The following DYNC2H1 variants were observed in gnomAD, a reference collection of about 807,000 sequenced individuals.
DYNC2H1 encodes cytoplasmic dynein 2 heavy chain 1.
In DYNC2H1, 410 loss-of-function variants were observed where a neutral mutation model predicts 570.0. The observed-to-expected ratio is 0.72, with a 90% CI of 0.66 to 0.78. The LOEUF is 0.78. DYNC2H1 is among the 30% of genes least tolerant of loss of function. The pLI is 0.00. For synonymous variants in DYNC2H1, 1,688 were observed against 1,677.6 expected (o/e 1.01, Z -0.15); for missense variants, 4,865 against 5,046.4 (o/e 0.96, Z 1.09).
Position 103,151,106 on chromosome 11 carries a change from T to G in DYNC2H1, c.2947-1030T>G, listed in dbSNP as rs953039411. On this transcript the variant is annotated intron_variant, in intron 20 of 88. Transcript: ENST00000375735. This position sits in a 1 kb window ranked among gnomAD's most constrained non-coding sequence, Gnocchi z 4.6. ...GACTAGGAAACTATTGTGATATGTTTTACAGGCTAACTGGAGTTCCGTTCA... is the reference window on the plus strand; with the variant it reads ...GACTAGGAAACTATTGTGATATGTTGTACAGGCTAACTGGAGTTCCGTTCA... 6.6e-6 allele frequency among the ~76,000 whole-genome samples: 1 copy of G among 152,092 alleles called. No individual in the cohort carries two copies. The highest frequency in any genetic ancestry group is 2.4e-5 in the African/African-American group (1 of 41,408).
intron 83 of DYNC2H1, among the ~76,000 whole-genome samples, chr11:103,360,355 A>G (rs1218876366): frequency 1.3e-5 from 2 of 152,076 alleles, no homozygotes; most frequent in Admixed American, 1.3e-4. Context: ...TTCTAATTGT[A>G]TAGCTTAGGA....
At chr11:103,371,285 C>T (rs1014274937) in intron 83 of DYNC2H1, among the ~76,000 whole-genome samples, 4 of 151,982 alleles carry the variant, frequency 2.6e-5, no homozygotes, top group African/African-American at 9.7e-5. Context: ...GAATTAAAAA[C>T]AAGCACACCT....
At chr11:103,154,366 G>C in intron 22 of DYNC2H1, 85 bp from the exon 23 acceptor site, 4 of 1,190,184 alleles carry the variant, frequency 3.4e-6, no homozygotes, top group Non-Finnish European at 4.6e-6. Flanking sequence ...CACATACAAG[G>C]ATTGCAGTTA....
rs535890368 is a variant in DYNC2H1 at position 103,289,802 on chromosome 11, C to T, written c.11095+2197C>T. 6.6e-6 allele frequency among the ~76,000 whole-genome samples: 1 copy of T among 152,114 alleles called. No homozygotes were observed. Among genetic ancestry groups the T allele is most frequent in the African/African-American group, 2.4e-5 (1 of 41,522 alleles). On this transcript the variant is annotated intron_variant, in intron 75 of 88. Transcript: ENST00000375735. This position sits in a 1 kb window ranked among gnomAD's most constrained non-coding sequence, Gnocchi z 4.2. ...ATGATTCTCTTTGTTGGATATAACC[C>T]ATATATAATGTTGAATTAAATTTGA... is the stretch of plus-strand genomic sequence containing the variant.
chr11:103,150,739 G>A (rs1197868736), intron 20 of DYNC2H1, among the ~76,000 whole-genome samples: 1 of 152,162 alleles, frequency 6.6e-6, no homozygotes, highest in African/African-American at 2.4e-5. Flanking sequence ...GCAAAATTTA[G>A]ACTTCAAGCA....
chr11:103,129,014 G>T lies in DYNC2H1; in HGVS notation c.1953+9G>T, dbSNP rs1859134953. The T allele has an allele frequency of 6.3e-7, 1 of 1,585,980 alleles. No individual in the cohort carries two copies. The highest frequency in any genetic ancestry group is 2.3e-5 in the East Asian group (1 of 44,184). ...TTGAACAGATAATTAAGGTAAATGG[G>T]CTTTTAATTTTATTATAATTAGATT... On this transcript the variant is annotated intron_variant, in intron 13 of 88. Coordinates refer to ENST00000375735, the MANE Select transcript of DYNC2H1 (RefSeq NM_001377.3). The surrounding 1 kb of genome is among the most constrained non-coding windows in gnomAD (Gnocchi z 4.1).
intron 81 of DYNC2H1, 94 bp downstream of exon 81, chr11:103,321,331 C>A: frequency 8.7e-7 from 1 of 1,154,774 alleles, no homozygotes; most frequent in Non-Finnish European, 1.3e-6. Context: ...TTCAAATGCA[C>A]AAGTAATTAT....
intron 87 of DYNC2H1, among the ~76,000 whole-genome samples, chr11:103,462,934 A>T (rs894477420): frequency 6.6e-6 from 1 of 152,240 alleles, no homozygotes; most frequent in African/African-American, 2.4e-5. Flanking sequence ...TACAAATTTC[A>T]GAGTACAGCT....
Position 103,440,990 on chromosome 11 carries a change from G to A in DYNC2H1, c.12456+4958G>A, listed in dbSNP as rs115951841. On this transcript the variant is annotated intron_variant, in intron 85 of 88. Coordinates refer to ENST00000375735, the MANE Select transcript of DYNC2H1 (RefSeq NM_001377.3). Reference sequence around the variant, plus strand: ...CAACCACACAATCTCAAATGTTCTGGTGTTAAAGCACAGCTCAGATTACAT... The same window carrying A: ...CAACCACACAATCTCAAATGTTCTGATGTTAAAGCACAGCTCAGATTACAT... 6.7e-3 allele frequency among the ~76,000 whole-genome samples: 1,012 copies of A among 152,180 alleles called. 8 individuals carry two copies. Among genetic ancestry groups the A allele is most frequent in the African/African-American group, 0.023 (961 of 41,518 alleles).
At position 103,397,410 on chromosome 11, in the gene DYNC2H1, T is replaced by C. The variant is rs191715377; in HGVS notation, c.12157-2253T>C. Among the ~76,000 whole-genome samples the C allele has an allele frequency of 5.3e-5, 8 of 152,366 alleles. No homozygotes were observed. In the East Asian group the frequency reaches 1.5e-3, roughly 29 times the overall value. ...CATAGTCGTTGTAACATACTCATTTTGTGATTGTTAGCTATATTTGAATTA... is the reference window on the plus strand; with the variant it reads ...CATAGTCGTTGTAACATACTCATTTCGTGATTGTTAGCTATATTTGAATTA... On this transcript the variant is annotated intron_variant, in intron 83 of 88. Transcript: ENST00000375735.
intron 70 of DYNC2H1, among the ~76,000 whole-genome samples, chr11:103,262,466 T>C (rs1205463850): frequency 1.3e-5 from 2 of 151,876 alleles, no homozygotes; most frequent in African/African-American, 4.8e-5. Flanking sequence ...GTCGGGTTAC[T>C]CACAAAGGGA....
rs1323427989 is a variant in DYNC2H1, at chr11:103,197,988, A to G, written c.7764A>G (p.Pro2588=). ...ARHNSGARAA[P]GQPLPPHGKP... ...ATAATTCAGGAGCAAGGGCAGCCCC[A>G]GGACAACCATTACCTCCACATGGAA... Residue 2588 remains proline, a synonymous_variant, in exon 48 of 89, where the codon CCA becomes CCG. Transcript: ENST00000375735. The G allele has an allele frequency of 2.6e-6, 4 of 1,565,758 alleles. No homozygotes were observed. In the African/African-American group the frequency reaches 5.4e-5, roughly 21 times the overall value.
rs537596246 is a variant in DYNC2H1, at chr11:103,141,914, G to A, written c.2575-1354G>A. Among the ~76,000 whole-genome samples the A allele has an allele frequency of 2.3e-4, 35 of 152,266 alleles. No homozygotes were observed. In the East Asian group the frequency reaches 5.0e-3, roughly 22 times the overall value. ...TACCTAAGCAAGCCTGGGCAATGGC[G>A]GGTGCCCCTCCCACAGCCTCGCTGC... On this transcript the variant is annotated intron_variant, in intron 17 of 88. Transcript: ENST00000375735.
intron 15 of DYNC2H1, among the ~76,000 whole-genome samples, chr11:103,135,281 A>C (rs923734679): frequency 7.9e-5 from 12 of 152,144 alleles, no homozygotes; most frequent in African/African-American, 2.9e-4. Flanking sequence ...GATCTTTTAA[A>C]ATAGTATTTA....
intron 17 of DYNC2H1, 22 bp from the exon 18 acceptor site, chr11:103,143,246 C>T (rs947366213): frequency 1.9e-6 from 3 of 1,607,530 alleles, no homozygotes; most frequent in Admixed American, 1.7e-5. Context: ...TTTAATAATA[C>T]ATTTTTTCTT....
intron 39 of DYNC2H1, among the ~76,000 whole-genome samples, chr11:103,180,065 T>A (rs1044717345): frequency 6.6e-6 from 1 of 151,642 alleles, no homozygotes; most frequent in African/African-American, 2.4e-5. Flanking sequence ...GTAGGAAACA[T>A]TTACTTTAAA....
chr11:103,472,355 T>C lies in DYNC2H1; in HGVS notation c.12765+3650T>C, dbSNP rs145533566. ...GCTTGGGCAACATAGCAAGACCCCA[T>C]CTTTATTAAATAAAAAAAGAATTAA... On this transcript the variant is annotated intron_variant, in intron 88 of 88. Coordinates refer to ENST00000375735, the MANE Select transcript of DYNC2H1 (RefSeq NM_001377.3). The surrounding 1 kb of genome is among the most constrained non-coding windows in gnomAD (Gnocchi z 4.1). Among the ~76,000 whole-genome samples, 2,260 of 142,690 alleles carry C rather than the reference T, an allele frequency of 0.016. 55 individuals carry two copies. The highest frequency in any genetic ancestry group is 0.055 in the African/African-American group (2,150 of 38,772). 93.6% of individuals were successfully genotyped at this position (142,690 alleles called of 152,430 possible).
At chr11:103,176,961 C>A (rs1193277686) in intron 37 of DYNC2H1, among the ~76,000 whole-genome samples, 2 of 152,148 alleles carry the variant, frequency 1.3e-5, no homozygotes, top group African/African-American at 4.8e-5. Context: ...CCACCTTGGT[C>A]TCCCAAAGCA....
intron 60 of DYNC2H1, among the ~76,000 whole-genome samples, chr11:103,231,720 T>G (rs1208282770): frequency 6.6e-6 from 1 of 152,058 alleles, no homozygotes; most frequent in Non-Finnish European, 1.5e-5. Flanking sequence ...CTGAATAATA[T>G]CTGATTTAAT....
Sources: allele counts gnomAD v4.1 joint callset (sites outside exome capture counted in the v4.1 genomes callset), GRCh38; gene constraint gnomAD v4.1.1; non-coding constraint Gnocchi (gnomAD v3.1); transcripts MANE v1.5; gene names NCBI Gene and HGNC (gene_info 2026-07-23, HGNC 2026-07-21).